The following AZGP1 variants were observed in gnomAD, a reference collection of about 807,000 sequenced individuals.
AZGP1 encodes the protein alpha-2-glycoprotein 1, zinc-binding.
In AZGP1, 28 loss-of-function variants were observed where a neutral mutation model predicts 31.5. The ratio of observed to expected loss-of-function variants is 0.89; its 90% CI spans 0.66 to 1.22. The LOEUF is 1.22. AZGP1 is among the 50% of genes most tolerant of loss of function. The pLI is 0.00. For missense variants in AZGP1, 361 were observed against 371.8 expected, an observed-to-expected ratio of 0.97 and a Z score of 0.24; for synonymous variants, 135 against 145.4, an observed-to-expected ratio of 0.93 and a Z score of 0.51.
At position 99,966,747 on chromosome 7, in the gene AZGP1, T is replaced by G; in HGVS notation, c.*256A>C. ...CTCTGTTATGCTAGGCAAGGAGGGA[T>G]GATTATTTATTAGCTTCTACAGATT... is the stretch of plus-strand genomic sequence containing the variant. On this transcript the variant is annotated 3_prime_UTR_variant, in exon 4 of 4. Coordinates refer to ENST00000292401, the MANE Select transcript of AZGP1 (RefSeq NM_001185.4). 1 of 559,834 alleles carries G rather than the reference T, an allele frequency of 1.8e-6. No homozygotes were observed. The highest frequency in any genetic ancestry group is 3.1e-6 in the Non-Finnish European group (1 of 317,646). The allele number at this position is 559,834 out of a possible 1,614,324, so 34.7% of individuals were successfully genotyped here. A position where few individuals can be genotyped will look rare whatever the true frequency, so the allele number is the denominator to read the frequency against.
intron 1 of AZGP1, among the ~76,000 whole-genome samples, chr7:99,975,073 T>C (rs1370634001): frequency 6.6e-6 from 1 of 152,120 alleles, no homozygotes; most frequent in Admixed American, 6.6e-5. Context: ...ACTCTCTCTC[T>C]CTTTTGTATA....
At position 99,966,747 on chromosome 7, in the gene AZGP1, T is replaced by A. The variant is rs1048339956; in HGVS notation, c.*256A>T. On this transcript the variant is annotated 3_prime_UTR_variant, in exon 4 of 4. Transcript: ENST00000292401. Reference sequence around the variant, plus strand: ...CTCTGTTATGCTAGGCAAGGAGGGATGATTATTTATTAGCTTCTACAGATT... The same window carrying A: ...CTCTGTTATGCTAGGCAAGGAGGGAAGATTATTTATTAGCTTCTACAGATT... The A allele has an allele frequency of 7.1e-6, 4 of 559,718 alleles. No homozygotes were observed. The highest frequency in any genetic ancestry group is 5.7e-5 in the African/African-American group (3 of 52,866). 34.7% of individuals were successfully genotyped at this position (559,718 alleles called of 1,614,324 possible).
intron 1 of AZGP1, among the ~76,000 whole-genome samples, chr7:99,975,591 C>T (rs1346137628): frequency 6.6e-6 from 1 of 152,132 alleles, no homozygotes; most frequent in African/African-American, 2.4e-5. Flanking sequence ...GGCAGGTGTA[C>T]CCAGCCATCG....
chr7:99,969,494 C>A (rs957077300), intron 2 of AZGP1, among the ~76,000 whole-genome samples: 1 of 151,786 alleles, frequency 6.6e-6, no homozygotes, highest in Non-Finnish European at 1.5e-5. Context: ...GCAGGAGAAT[C>A]CCTTGAACCC....
rs138114153 is a variant in AZGP1, at chr7:99,971,876, C to T, written c.207G>A (p.Gln69=). Residue 69 remains glutamine (Q), a synonymous_variant, in exon 2 of 4, where the codon CAG becomes CAA. Coordinates refer to ENST00000292401, the MANE Select transcript of AZGP1 (RefSeq NM_001185.4). The part of the protein sequence containing the change: ...FRYNSKDRKS[Q]PMGLWRQVEG... ...CCACCTGTCTCCAGAGTCCCATGGG[C>T]TGAGACTTCCTGTCTTTACTGTTGT... 2.7e-4 allele frequency: 439 copies of T among 1,614,066 alleles called. 1 individual carries two copies. The highest frequency in any genetic ancestry group is 3.6e-4 in the Non-Finnish European group (421 of 1,180,036).
rs1789486771 is a variant in AZGP1, at chr7:99,966,853, G to C, written c.*150C>G. 8.1e-7 allele frequency: 1 copy of C among 1,236,838 alleles called. No homozygotes were observed. The highest frequency in any genetic ancestry group is 1.1e-6 in the Non-Finnish European group (1 of 893,336). 76.6% of individuals were successfully genotyped at this position (1,236,838 alleles called of 1,614,324 possible). On this transcript the variant is annotated 3_prime_UTR_variant, in exon 4 of 4. Transcript: ENST00000292401. ...CTCAAGACAGGCATCCCAGTCTTCG[G>C]TCTCCAAATCCACCTCCTGTCTGTC...
chr7:99,971,733 G>C lies in AZGP1; in HGVS notation c.337+13C>G. On this transcript the variant is annotated intron_variant, in intron 2 of 3. Transcript: ENST00000292401. ...GTTAGACCTTCCACCCCTGTGGTCT[G>C]TTATTCACTGACCGTTACTGTCGTT... 6.2e-7 allele frequency: 1 copy of C among 1,612,168 alleles called. No individual in the cohort carries two copies. Among genetic ancestry groups the C allele is most frequent in the South Asian group, 1.1e-5 (1 of 90,774 alleles).
At chr7:99,970,725 A>T (rs1378690837) in intron 2 of AZGP1, among the ~76,000 whole-genome samples, 2 of 150,690 alleles carry the variant, frequency 1.3e-5, no homozygotes, top group Non-Finnish European at 3.0e-5. Flanking sequence ...GACCTCCCCC[A>T]CCCCACATCC....
intron 3 of AZGP1, 132 bp from the exon 4 acceptor site, chr7:99,967,418 C>A: frequency 9.6e-7 from 1 of 1,045,910 alleles, no homozygotes; most frequent in African/African-American, 1.6e-5. Context: ...CCCCCAGCCC[C>A]GGGAGACTTT....
At chr7:99,968,818 C>T (rs1161883622) in intron 2 of AZGP1, 2 of 230,904 alleles carry the variant, frequency 8.7e-6, no homozygotes, top group South Asian at 6.1e-5. Flanking sequence ...TAAAAATTAG[C>T]GCAGCATGGT....
At chr7:99,973,183 G>A (rs1484512040) in intron 1 of AZGP1, among the ~76,000 whole-genome samples, 1 of 152,096 alleles carries the variant, frequency 6.6e-6, no homozygotes, top group Non-Finnish European at 1.5e-5. Flanking sequence ...GGGTAGAAAG[G>A]AGAATTTACC....
intron 1 of AZGP1, among the ~76,000 whole-genome samples, chr7:99,974,596 T>C (rs1789629781): frequency 6.6e-6 from 1 of 151,728 alleles, no homozygotes; most frequent in Non-Finnish European, 1.5e-5. Context: ...CAAAAATAAA[T>C]AAATAAATAA....
chr7:99,969,267 G>A (rs1336625079), intron 2 of AZGP1, among the ~76,000 whole-genome samples: 2 of 151,896 alleles, frequency 1.3e-5, no homozygotes, highest in Non-Finnish European at 2.9e-5. Context: ...AAATTTGCTG[G>A]GTGTGCTGGC....
intron 2 of AZGP1, among the ~76,000 whole-genome samples, chr7:99,968,962 CAAAAAAAA>C (rs869115613): frequency 9.4e-4 from 25 of 26,700 alleles, no homozygotes; most frequent in South Asian, 3.5e-3. Context: ...GACCCTATCT[CAAAAAAAA>C]AAAAAAAAAA....
In AZGP1 at chr7:99,966,994, C is replaced by A. The variant is rs1187495921; in HGVS notation, c.*9G>T. The A allele has an allele frequency of 5.0e-6, 8 of 1,611,668 alleles. No individual in the cohort carries two copies. The highest frequency in any genetic ancestry group is 5.9e-6 in the Non-Finnish European group (7 of 1,178,412). Reference sequence around the variant, plus strand: ...TCTGAGATCCCACATTGCCTCCAACCCTTGCTTCCTAGCTGGCCTCCCAGG... The same window carrying A: ...TCTGAGATCCCACATTGCCTCCAACACTTGCTTCCTAGCTGGCCTCCCAGG... On this transcript the variant is annotated 3_prime_UTR_variant, in exon 4 of 4. Transcript: ENST00000292401.
At chr7:99,968,783 C>T (rs575563119) in intron 2 of AZGP1, 11 of 269,370 alleles carry the variant, frequency 4.1e-5, no homozygotes, top group Non-Finnish European at 5.5e-5. Flanking sequence ...GGTGATATGG[C>T]GAAATCCCAC....
chr7:99,971,796 A>G lies in AZGP1; in HGVS notation c.287T>C (p.Ile96Thr). 6.2e-7 allele frequency: 1 copy of G among 1,614,026 alleles called. No homozygotes were observed. Among genetic ancestry groups the G allele is most frequent in the African/African-American group, 1.3e-5 (1 of 74,980 alleles). Reference protein sequence around the residue: ...DSQLQKAREDIFMETLKDIVE... With the variant: ...DSQLQKAREDTFMETLKDIVE... ...GATGTCTTTCAGGGTCTCCATAAAG[A>G]TGTCCTCCCTGGCCTTCTGAAGTTG... The change falls in exon 2 of 4, where the codon ATC becomes ACC. Residue 96 changes from isoleucine (I) to threonine (T), a missense_variant. Physicochemically the swap from Ile to Thr is moderately conservative, Grantham distance 89. Coordinates refer to ENST00000292401, the MANE Select transcript of AZGP1 (RefSeq NM_001185.4).
chr7:99,968,961 T>TAA, intron 2 of AZGP1, among the ~76,000 whole-genome samples: 1 of 1,388 alleles, frequency 7.2e-4, no homozygotes, highest in Non-Finnish European at 1.3e-3. Flanking sequence ...AGACCCTATC[T>TAA]CAAAAAAAAA....
Position 99,967,106 on chromosome 7 carries a change from C to T in AZGP1, c.794G>A (p.Trp265Ter). ...LHNGNGTYQS[W>*]VVVAVPPQDT... is the part of the protein sequence containing the mutation. The stretch of plus-strand genomic sequence containing the variant: ...CTGCGGGGGCACTGCCACCACCACC[C>T]AGGACTGGTAAGTGCCATTTCCATT... Residue 265 changes from tryptophan (W) to a stop codon, truncating the protein, a stop_gained, in exon 4 of 4, where the codon TGG (tryptophan) becomes TAG (stop). Coordinates refer to ENST00000292401, the MANE Select transcript of AZGP1 (RefSeq NM_001185.4). LOFTEE classifies it high-confidence loss of function. 1 of 1,614,186 alleles carries T rather than the reference C, an allele frequency of 6.2e-7. No individual in the cohort carries two copies. Among genetic ancestry groups the T allele is most frequent in the East Asian group, 2.2e-5 (1 of 44,860 alleles).
Sources: allele counts gnomAD v4.1 joint callset (sites outside exome capture counted in the v4.1 genomes callset), GRCh38; gene constraint gnomAD v4.1.1; transcripts MANE v1.5; gene names NCBI Gene and HGNC (gene_info 2026-07-23, HGNC 2026-07-21).